Variants in NAALADL2 observed in about 807,000 individuals in gnomAD.
NAALADL2 encodes N-acetylated alpha-linked acidic dipeptidase like 2.
In NAALADL2, 76 loss-of-function variants were observed where a neutral mutation model predicts 87.2. That is an observed-to-expected ratio of 0.87 (90% CI 0.72 to 1.05). The LOEUF (loss-of-function observed/expected upper bound fraction) is 1.05, where lower values mean the gene tolerates loss of function less well. Ranked by LOEUF, NAALADL2 falls within the 50% of genes least tolerant of loss-of-function variation. The pLI is 0.00. For synonymous variants in NAALADL2, 354 were observed against 331.0 expected, an observed-to-expected ratio of 1.07 and a Z score of -0.75; for missense variants, 1,089 against 945.8, an observed-to-expected ratio of 1.15 and a Z score of -1.99.
At chr3:175,762,812 G>A (rs1458827415) in intron 13 of NAALADL2, among the ~76,000 whole-genome samples, 3 of 152,182 alleles carry the variant, frequency 2.0e-5, no homozygotes, top group Non-Finnish European at 4.4e-5. Flanking sequence ...AGGGCCAGGC[G>A]CAGTGGCACG....
chr3:175,339,217 GAT>G (rs1762340871), intron 5 of NAALADL2, among the ~76,000 whole-genome samples: 1 of 152,216 alleles, frequency 6.6e-6, no homozygotes, highest in Non-Finnish European at 1.5e-5. Context: ...CTAATCGAAA[GAT>G]AGAGAGCCTG....
intron 2 of NAALADL2, among the ~76,000 whole-genome samples, chr3:175,168,753 G>C (rs1316225281): frequency 6.6e-6 from 1 of 151,542 alleles, no homozygotes; most frequent in Admixed American, 6.6e-5. Flanking sequence ...ATCAATTCAG[G>C]CCAATTTGTT....
intron 11 of NAALADL2, among the ~76,000 whole-genome samples, chr3:175,717,594 AG>A (rs535101736): frequency 6.6e-6 from 1 of 151,312 alleles, no homozygotes; most frequent in Non-Finnish European, 1.5e-5. Flanking sequence ...TGGGGTGTTT[AG>A]GGGGAGCATC....
At chr3:175,797,688 C>G (rs1393776931) in intron 13 of NAALADL2, among the ~76,000 whole-genome samples, 3 of 152,070 alleles carry the variant, frequency 2.0e-5, no homozygotes, top group African/African-American at 7.2e-5. Context: ...CACACTTAGG[C>G]ACTCTGATAT....
chr3:175,026,304 G>T (rs189844183), intron 1 of NAALADL2, among the ~76,000 whole-genome samples: 1 of 151,692 alleles, frequency 6.6e-6, no homozygotes, highest in African/African-American at 2.4e-5. Flanking sequence ...TTTGAAGATG[G>T]AAAAAACAAA....
chr3:175,105,235 A>AATC (rs1196908182), intron 2 of NAALADL2, among the ~76,000 whole-genome samples: 1 of 152,060 alleles, frequency 6.6e-6, no homozygotes, highest in African/African-American at 2.4e-5. Context: ...TGTTGGCATG[A>AATC]ATCACTTTCT....
At chr3:175,210,848 A>G (rs1470987871) in intron 2 of NAALADL2, among the ~76,000 whole-genome samples, 1 of 151,798 alleles carries the variant, frequency 6.6e-6, no homozygotes. Context: ...ATATTAAAAC[A>G]TTTACTTTAA....
At chr3:175,070,795 C>G (rs1183606095) in intron 1 of NAALADL2, among the ~76,000 whole-genome samples, 1 of 151,888 alleles carries the variant, frequency 6.6e-6, no homozygotes, top group African/African-American at 2.4e-5. Context: ...ATTTATTAAT[C>G]CATCACTAAT....
At chr3:175,646,515 C>T (rs1203908001) in intron 11 of NAALADL2, among the ~76,000 whole-genome samples, 1 of 151,984 alleles carries the variant, frequency 6.6e-6, no homozygotes, top group Non-Finnish European at 1.5e-5. Context: ...TTTTTTATGA[C>T]AGCAATCTGT....
In NAALADL2 at chr3:174,498,276, T is replaced by C. The variant is rs180701673; in HGVS notation, c.-183-52293T>C. Among the ~76,000 whole-genome samples the C allele has an allele frequency of 4.6e-5, 7 of 152,262 alleles. No homozygotes were observed. In the East Asian group the frequency reaches 1.4e-3, roughly 29 times the overall value. On this transcript the variant is annotated intron_variant, in intron 1 of 3. Coordinates refer to the NAALADL2 transcript ENST00000434257. ...TAGTTTTCGTTTCTGTGATTTTATA[T>C]AAATTAAATCATTTGGTATATGCTC...
At chr3:175,667,132 AAAG>A (rs1733119264) in intron 11 of NAALADL2, among the ~76,000 whole-genome samples, 1 of 148,196 alleles carries the variant, frequency 6.7e-6, no homozygotes, top group Non-Finnish European at 1.5e-5. Flanking sequence ...AGAGAAAAAG[AAAG>A]AAAGAAAGAG....
chr3:174,869,727 C>T (rs967281590), intron 1 of NAALADL2, among the ~76,000 whole-genome samples: 5 of 151,914 alleles, frequency 3.3e-5, no homozygotes, highest in Admixed American at 6.6e-5. Flanking sequence ...TGTGGGAAAG[C>T]ACTAGGAAAA....
intron 2 of NAALADL2, among the ~76,000 whole-genome samples, chr3:175,222,816 A>G (rs948100387): frequency 1.3e-5 from 2 of 152,198 alleles, no homozygotes; most frequent in Non-Finnish European, 2.9e-5. Flanking sequence ...ACATTTTATG[A>G]AAAAATATTT....
At chr3:175,788,088 G>GA (rs1752317697) in intron 13 of NAALADL2, among the ~76,000 whole-genome samples, 1 of 104,260 alleles carries the variant, frequency 9.6e-6, no homozygotes, top group Non-Finnish European at 1.9e-5. Context: ...TTTTTTACCT[G>GA]TTTTTTTTTT....
chr3:175,219,251 T>C (rs1303318415), intron 2 of NAALADL2, among the ~76,000 whole-genome samples: 1 of 152,136 alleles, frequency 6.6e-6, no homozygotes, highest in African/African-American at 2.4e-5. Context: ...TTTATGGTAG[T>C]AGTATGTCAT....
intron 2 of NAALADL2, among the ~76,000 whole-genome samples, chr3:175,168,428 A>G (rs1442914513): frequency 2.0e-5 from 3 of 151,858 alleles, no homozygotes; most frequent in Non-Finnish European, 4.4e-5. Flanking sequence ...AATGTTCAAG[A>G]CAGTCCTTTT....
intron 4 of NAALADL2, among the ~76,000 whole-genome samples, chr3:175,311,552 T>A (rs190660520): frequency 7.2e-4 from 109 of 152,254 alleles, no homozygotes; most frequent in African/African-American, 2.6e-3. Flanking sequence ...TAAGGTGGAA[T>A]CAGTATATCT....
intron 1 of NAALADL2, among the ~76,000 whole-genome samples, chr3:174,487,810 C>T (rs944569038): frequency 2.0e-5 from 3 of 151,214 alleles, no homozygotes; most frequent in East Asian, 3.9e-4. Flanking sequence ...ATGCAAAGGC[C>T]AATTAGATGT....
chr3:174,656,711 G>A (rs1295032061), intron 2 of NAALADL2, among the ~76,000 whole-genome samples: 5 of 151,998 alleles, frequency 3.3e-5, no homozygotes, highest in Admixed American at 6.5e-5. Flanking sequence ...TCTGCTTGCT[G>A]TTTCCATTTG....
Sources: allele counts gnomAD v4.1 joint callset (sites outside exome capture counted in the v4.1 genomes callset), GRCh38; gene constraint gnomAD v4.1.1; transcripts MANE v1.5; gene names NCBI Gene and HGNC (gene_info 2026-07-23, HGNC 2026-07-21).